Variants in EPHA10 observed in about 807,000 individuals in gnomAD.
EPHA10 encodes ephrin type-A receptor 10.
In EPHA10, 120 loss-of-function variants were observed where a neutral mutation model predicts 109.7. That is an observed-to-expected ratio of 1.09 (90% CI 0.94 to 1.27). The LOEUF (loss-of-function observed/expected upper bound fraction) is 1.27. Ranked by LOEUF, EPHA10 falls within the 50% of genes most tolerant of loss-of-function variation. EPHA10 has a pLI of 0.00. For synonymous variants in EPHA10, 640 were observed against 618.9 expected, an observed-to-expected ratio of 1.03 and a Z score of -0.51; for missense variants, 1,396 against 1,411.1, an observed-to-expected ratio of 0.99 and a Z score of 0.17.
At chr1:37,750,474 A>G (rs541297419) in intron 5 of EPHA10, among the ~76,000 whole-genome samples, 1 of 119,928 alleles carries the variant, frequency 8.3e-6, no homozygotes, top group Admixed American at 8.8e-5. Context: ...GGAAGTGACA[A>G]GATTTGAGAA....
rs186158932 is a variant in EPHA10, at chr1:37,751,932, C to G, written c.1357+944G>C. On this transcript the variant is annotated intron_variant, in intron 5 of 16. Coordinates refer to ENST00000373048, the MANE Select transcript of EPHA10 (RefSeq NM_001099439.2). ...GCAGGTTAAAGAATTATTCTAACAT[C>G]CGTGTGCATACGTGTACATGTCATA... Among the ~76,000 whole-genome samples, 17 of 152,058 alleles carry G rather than the reference C, an allele frequency of 1.1e-4. No individual in the cohort carries two copies. The East Asian group carries it at 3.1e-3, about 28-fold the overall frequency.
chr1:37,741,692 CA>C (rs1187864559), intron 5 of EPHA10, among the ~76,000 whole-genome samples: 5 of 151,826 alleles, frequency 3.3e-5, no homozygotes, highest in Non-Finnish European at 5.9e-5. Flanking sequence ...CACAGAGTGG[CA>C]TTGCCTCCCA....
In EPHA10 at chr1:37,718,272, C is replaced by T. The variant is rs574130079; in HGVS notation, c.*100G>A. On this transcript the variant is annotated 3_prime_UTR_variant, in exon 17 of 17. Coordinates refer to ENST00000373048, the MANE Select transcript of EPHA10 (RefSeq NM_001099439.2). ...TGGGCCCAAGCAGAGGAAGAGAGCG[C>T]TCCCTCCCACACTGCTGGAGCGCAG... The T allele has an allele frequency of 2.2e-5, 23 of 1,027,106 alleles. No individual in the cohort carries two copies. In the East Asian group the frequency reaches 5.3e-4, roughly 24 times the overall value. The allele number at this position is 1,027,106 out of a possible 1,614,324, so 63.6% of individuals were successfully genotyped here.
chr1:37,714,948 C>G (rs1473372117), downstream of EPHA10: 1 of 152,200 alleles, frequency 6.6e-6, no homozygotes, highest in Admixed American at 6.5e-5. Flanking sequence ...TACAGTAGCC[C>G]AAGCAAATGA....
chr1:37,720,081 G>A (rs1464038657), intron 13 of EPHA10, 23 bp from the exon 14 acceptor site: 20 of 1,612,134 alleles, frequency 1.2e-5, no homozygotes, highest in Non-Finnish European at 1.6e-5. Context: ...GCAGGTCAGG[G>A]GCAAGGAGGA....
rs570567265 is a variant in EPHA10 at position 37,735,376 on chromosome 1, C to T, written c.1372G>A (p.Asp458Asn). ...TCCACTCGGTCCCTGCGGATCTCATCCTCCTCCCAGGGCGCTGAAAGTAAG... is the reference window on the plus strand; with the variant it reads ...TCCACTCGGTCCCTGCGGATCTCATTCTCCTCCCAGGGCGCTGAAAGTAAG... ...STGPGAPWEEDEIRRDRVEPQ... is the reference protein window; with the variant it reads ...STGPGAPWEENEIRRDRVEPQ... Residue 458 changes from aspartate (D) to asparagine (N), a missense_variant, in exon 6 of 17, where the codon GAT becomes AAT. Coordinates refer to ENST00000373048, the MANE Select transcript of EPHA10 (RefSeq NM_001099439.2). 2.5e-6 allele frequency: 4 copies of T among 1,581,256 alleles called. No individual in the cohort carries two copies. In the Admixed American group the frequency reaches 5.5e-5, roughly 22 times the overall value.
downstream of EPHA10, among the ~76,000 whole-genome samples, chr1:37,715,370 G>A (rs1413804950): frequency 6.6e-6 from 1 of 152,104 alleles, no homozygotes; most frequent in Non-Finnish European, 1.5e-5. Context: ...ATCTTCAGCA[G>A]CAATGGCACA....
chr1:37,750,389 C>T (rs543932924), intron 5 of EPHA10, among the ~76,000 whole-genome samples: 5 of 152,234 alleles, frequency 3.3e-5, no homozygotes, highest in South Asian at 2.1e-4. Flanking sequence ...AAAAACAGTA[C>T]TGTTCCAGAA....
intron 5 of EPHA10, among the ~76,000 whole-genome samples, chr1:37,739,560 G>A (rs1487561027): frequency 6.6e-6 from 1 of 151,998 alleles, no homozygotes; most frequent in East Asian, 1.9e-4. Context: ...CTGGTGGTGT[G>A]TGCCTATAAT....
At chr1:37,763,906 C>T (rs531536115) in intron 1 of EPHA10, among the ~76,000 whole-genome samples, 1 of 152,326 alleles carries the variant, frequency 6.6e-6, no homozygotes, top group Admixed American at 6.5e-5. Flanking sequence ...GTCACTTCCA[C>T]TGCTTTTGAA....
At chr1:37,749,793 T>A (rs1402888316) in intron 5 of EPHA10, among the ~76,000 whole-genome samples, 2 of 152,228 alleles carry the variant, frequency 1.3e-5, no homozygotes, top group Non-Finnish European at 2.9e-5. Context: ...GTGATTTCAT[T>A]GTTATACAAA....
chr1:37,746,103 T>TTC (rs1646237779), intron 5 of EPHA10, among the ~76,000 whole-genome samples: 2 of 146,018 alleles, frequency 1.4e-5, no homozygotes, highest in East Asian at 4.0e-4. Context: ...TTTCTTTTCT[T>TTC]TTTTTTTTTT....
Position 37,754,345 on chromosome 1 carries a change from C to A in EPHA10, c.876G>T (p.Val292=). 1 of 1,307,348 alleles carries A rather than the reference C, an allele frequency of 7.6e-7. No individual in the cohort carries two copies. Among genetic ancestry groups the A allele is most frequent in the Non-Finnish European group, 9.8e-7 (1 of 1,022,184 alleles). 81.0% of individuals were successfully genotyped at this position (1,307,348 alleles called of 1,614,324 possible). ...CEACPPGFYK[V]SPRRPLCSPC... ...GTGAGCAGAGGGGCCGCCGCGGGGA[C>A]ACCTTGTAAAACCCTGGGGGACAGG... is the stretch of plus-strand genomic sequence containing the variant. Residue 292 remains valine (V), a synonymous_variant, in exon 4 of 17, where the codon GTG becomes GTT. Transcript: ENST00000373048. This position sits in a 1 kb window ranked among gnomAD's most constrained non-coding sequence, Gnocchi z 4.5.
intron 5 of EPHA10, among the ~76,000 whole-genome samples, chr1:37,735,838 A>C (rs1646061434): frequency 1.3e-5 from 2 of 152,186 alleles, no homozygotes; most frequent in Admixed American, 1.3e-4. Context: ...TAGAAATAGA[A>C]GGAAATTATC....
At chr1:37,748,290 T>C (rs943615034) in intron 5 of EPHA10, among the ~76,000 whole-genome samples, 7 of 151,578 alleles carry the variant, frequency 4.6e-5, no homozygotes, top group Non-Finnish European at 1.0e-4. Flanking sequence ...ACCTGGGAGG[T>C]AGAGGTTGCA....
At chr1:37,723,491 G>T in intron 8 of EPHA10, 119 bp from the exon 9 acceptor site, 1 of 1,120,088 alleles carries the variant, frequency 8.9e-7, no homozygotes, top group South Asian at 1.6e-5. Context: ...CCTGGGGGAG[G>T]GAACTTCTTG....
At position 37,762,769 on chromosome 1, in the gene EPHA10, A is replaced by G. The variant is rs1446585635; in HGVS notation, c.171+16T>C. On this transcript the variant is annotated intron_variant, in intron 2 of 16. Coordinates refer to ENST00000373048, the MANE Select transcript of EPHA10 (RefSeq NM_001099439.2). Reference sequence around the variant, plus strand: ...CAGAGGATCCCTGGGACAGGGAGGGACACTTGTGCACTTACCCCATTACTT... The same window carrying G: ...CAGAGGATCCCTGGGACAGGGAGGGGCACTTGTGCACTTACCCCATTACTT... The G allele has an allele frequency of 1.3e-6, 2 of 1,544,530 alleles. No individual in the cohort carries two copies. The highest frequency in any genetic ancestry group is 1.7e-6 in the Non-Finnish European group (2 of 1,143,352).
Position 37,761,499 on chromosome 1 carries a change from TG to T in EPHA10, c.755del (p.Pro252HisfsTer97). 1.3e-6 allele frequency: 2 copies of T among 1,599,684 alleles called. No individual in the cohort carries two copies. Among genetic ancestry groups the T allele is most frequent in the Admixed American group, 1.7e-5 (1 of 59,778 alleles). ...AHSEGEPGSP[P>X]RMHCGADGEW... ...CGCCGTCGGCGCCGCAGTGCATGCG[TG>T]GGGGGCTGCCAGGCTCCCCTTCCGA... On this transcript the variant is annotated frameshift_variant, in exon 3 of 17. Coordinates refer to ENST00000373048, the MANE Select transcript of EPHA10 (RefSeq NM_001099439.2). LOFTEE classifies it high-confidence loss of function.
intron 5 of EPHA10, among the ~76,000 whole-genome samples, chr1:37,743,008 T>A (rs1253174910): frequency 6.6e-6 from 1 of 151,164 alleles, no homozygotes; most frequent in African/African-American, 2.4e-5. Context: ...ATAATAATAA[T>A]ATAATAATAA....
Sources: gnomAD v4.1 joint callset for allele counts (sites outside exome capture counted in the v4.1 genomes callset) on GRCh38, gnomAD v4.1.1 for gene constraint, Gnocchi (gnomAD v3.1) non-coding constraint, MANE v1.5 for transcripts, NCBI Gene and HGNC (gene_info 2026-07-23, HGNC 2026-07-21) for gene names.